Variants in DENND1A observed in about 807,000 individuals in gnomAD.
DENND1A encodes DENN domain containing 1A, also known as DENN domain-containing protein 1A.
Under a neutral mutation model 113.7 loss-of-function variants are expected in DENND1A, and 51 were observed. The ratio of observed to expected loss-of-function variants is 0.45; its 90% CI spans 0.36 to 0.57. The LOEUF (loss-of-function observed/expected upper bound fraction) is 0.57, where lower values mean the gene tolerates loss of function less well. Ranked by LOEUF, DENND1A falls within the 20% of genes least tolerant of loss-of-function variation. DENND1A has a pLI of 0.00. For missense variants in DENND1A, 1,258 were observed against 1,395.9 expected, an observed-to-expected ratio of 0.90 and a Z score of 1.57; for synonymous variants, 565 against 570.8, an observed-to-expected ratio of 0.99 and a Z score of 0.14.
At chr9:123,594,688 T>C (rs2059606532) in intron 11 of DENND1A, among the ~76,000 whole-genome samples, 2 of 152,042 alleles carry the variant, frequency 1.3e-5, no homozygotes. Context: ...ATGCTAGAGA[T>C]TAAATAATTT....
intron 2 of DENND1A, among the ~76,000 whole-genome samples, chr9:123,855,769 G>A (rs780134939): frequency 3.3e-5 from 5 of 152,140 alleles, no homozygotes; most frequent in African/African-American, 7.2e-5. Context: ...CAGGTGCGGC[G>A]GCTCACACCT....
intron 2 of DENND1A, among the ~76,000 whole-genome samples, chr9:123,847,889 G>T (rs1195665061): frequency 6.6e-6 from 1 of 152,084 alleles, no homozygotes; most frequent in Non-Finnish European, 1.5e-5. Flanking sequence ...AGCCGAGATA[G>T]CCCCACTGTA....
intron 1 of DENND1A, among the ~76,000 whole-genome samples, chr9:123,918,579 T>C (rs1429795880): frequency 4.6e-5 from 7 of 151,878 alleles, no homozygotes; most frequent in African/African-American, 1.7e-4. Flanking sequence ...GATTGAAATA[T>C]AGCCAATAAG....
intron 9 of DENND1A, among the ~76,000 whole-genome samples, chr9:123,640,237 T>C (rs1425258346): frequency 1.3e-5 from 2 of 152,200 alleles, no homozygotes; most frequent in African/African-American, 4.8e-5. Context: ...TCAAGTGTGT[T>C]AGCATATAAA....
intron 21 of DENND1A, among the ~76,000 whole-genome samples, chr9:123,398,257 G>A (rs1057472031): frequency 3.9e-5 from 6 of 152,346 alleles, no homozygotes; most frequent in South Asian, 2.1e-4. Flanking sequence ...GATGCACCCC[G>A]GGATCAGTGT....
chr9:123,849,843 T>G (rs77619732), intron 2 of DENND1A, among the ~76,000 whole-genome samples: 6 of 152,188 alleles, frequency 3.9e-5, no homozygotes, highest in African/African-American at 1.4e-4. Flanking sequence ...CTGGATGACA[T>G]TGAGGTATTT....
At position 123,676,772 on chromosome 9, in the gene DENND1A, T is replaced by A; in HGVS notation, c.320A>T (p.Glu107Val). Residue 107 changes from glutamate (E) to valine (V), a missense_variant, in exon 6 of 24, where the codon GAG becomes GTG. Physicochemically the swap from Glu to Val is moderately radical, Grantham distance 121. Coordinates refer to ENST00000394215, the MANE Select transcript of DENND1A (RefSeq NM_001352964.2). Reference sequence around the variant, plus strand: ...GATGTTAAGCAGCTTATAAAATACCTCGAACCAGGGGAGATAGCTGGAGGA... The same window carrying A: ...GATGTTAAGCAGCTTATAAAATACCACGAACCAGGGGAGATAGCTGGAGGA... Reference protein sequence around the residue: ...FCILSYLPWFEVFYKLLNILA... With the variant: ...FCILSYLPWFVVFYKLLNILA... The A allele has an allele frequency of 1.9e-6, 3 of 1,614,062 alleles. No homozygotes were observed. The highest frequency in any genetic ancestry group is 2.5e-6 in the Non-Finnish European group (3 of 1,179,972).
intron 11 of DENND1A, among the ~76,000 whole-genome samples, chr9:123,599,420 A>T (rs1176497640): frequency 1.3e-5 from 2 of 152,254 alleles, no homozygotes; most frequent in Non-Finnish European, 2.9e-5. Flanking sequence ...CTCTTTGTAC[A>T]AAACGACTGT....
At chr9:123,607,478 CAG>C (rs763140217) in intron 11 of DENND1A, among the ~76,000 whole-genome samples, 24 of 112,520 alleles carry the variant, frequency 2.1e-4, no homozygotes, top group African/African-American at 6.9e-4. Flanking sequence ...GAGAGAGACA[CAG>C]AGAGAGAGAC....
Position 123,381,549 on chromosome 9 carries a change from T to G in DENND1A, c.3096A>C (p.Arg1032Ser), listed in dbSNP as rs769654098. The change falls in exon 24 of 24, where the codon AGA becomes AGC. Residue 1032 changes from arginine (R) to serine (S), a missense_variant. By Grantham distance (110) the Arg-to-Ser change is moderately radical. Coordinates refer to ENST00000394215, the MANE Select transcript of DENND1A (RefSeq NM_001352964.2). The surrounding 1 kb of genome is among the most constrained non-coding windows in gnomAD (Gnocchi z 4.7). ...TLQPSAPQQA[R>S]DPFEDLLQKT... ...TCTGTAACAAATCCTCAAAGGGGTC[T>G]CTGGCCTGTTGAGGAGCAGAGGGCT... is the stretch of plus-strand genomic sequence containing the variant. 1.2e-6 allele frequency: 2 copies of G among 1,613,552 alleles called. No homozygotes were observed. The highest frequency in any genetic ancestry group is 2.7e-5 in the African/African-American group (2 of 74,876).
At chr9:123,739,099 T>C (rs548313620) in intron 5 of DENND1A, among the ~76,000 whole-genome samples, 2 of 152,152 alleles carry the variant, frequency 1.3e-5, no homozygotes, top group Non-Finnish European at 2.9e-5. Flanking sequence ...GACATAATCA[T>C]TGTTCTCCAT....
chr9:123,548,482 C>T (rs985098083), intron 13 of DENND1A, among the ~76,000 whole-genome samples: 8 of 152,190 alleles, frequency 5.3e-5, no homozygotes, highest in African/African-American at 1.2e-4. Flanking sequence ...AACAAAAGCA[C>T]GGACTCTGTG....
At chr9:123,776,730 G>GA (rs1830529049) in intron 3 of DENND1A, among the ~76,000 whole-genome samples, 1 of 152,090 alleles carries the variant, frequency 6.6e-6, no homozygotes, top group Non-Finnish European at 1.5e-5. Context: ...ACTGGCATAA[G>GA]AAAAAAGTGA....
intron 13 of DENND1A, among the ~76,000 whole-genome samples, chr9:123,551,800 C>T (rs539367544): frequency 2.6e-5 from 4 of 152,238 alleles, no homozygotes; most frequent in African/African-American, 4.8e-5. Flanking sequence ...CGCCCTGAGC[C>T]GGGCACCCAG....
rs540331559 is a variant in DENND1A, at chr9:123,528,806, G to A, written c.993+28764C>T. ...TTCCAAACTAGCCCCTCTTAGTGTC[G>A]TCTTTCAAAGACACACTTCATAGTC... On this transcript the variant is annotated intron_variant, in intron 13 of 23. Coordinates refer to ENST00000394215, the MANE Select transcript of DENND1A (RefSeq NM_001352964.2). Among the ~76,000 whole-genome samples the A allele has an allele frequency of 4.0e-4, 61 of 152,254 alleles. 1 individual carries two copies. In the South Asian group the frequency reaches 0.012, roughly 30 times the overall value.
At chr9:123,738,441 T>TTGTGTGTGTGTGTGTGTGTGTG (rs760641686) in intron 5 of DENND1A, among the ~76,000 whole-genome samples, 1 of 123,376 alleles carries the variant, frequency 8.1e-6, no homozygotes, top group African/African-American at 3.6e-5. Context: ...TGTCAACAGC[T>TTGTGTGTGTGTGTGTGTGTGTG]TCTGTGTGTG....
At chr9:123,562,029 C>T (rs2057788397) in intron 12 of DENND1A, among the ~76,000 whole-genome samples, 1 of 152,142 alleles carries the variant, frequency 6.6e-6, no homozygotes, top group African/African-American at 2.4e-5. Context: ...CCTTCTTCTG[C>T]CTTCAGTTTC....
At chr9:123,772,666 T>C (rs1829917178) in intron 3 of DENND1A, among the ~76,000 whole-genome samples, 1 of 152,184 alleles carries the variant, frequency 6.6e-6, no homozygotes, top group South Asian at 2.1e-4. Flanking sequence ...CCCAAGTTTA[T>C]ATTTTCACAA....
intron 2 of DENND1A, among the ~76,000 whole-genome samples, chr9:123,869,569 A>T (rs1029337935): frequency 6.6e-6 from 1 of 152,188 alleles, no homozygotes; most frequent in Admixed American, 6.5e-5. Context: ...AGTTAGATGA[A>T]TTTCCACATC....
Sources: allele counts gnomAD v4.1 joint callset (sites outside exome capture counted in the v4.1 genomes callset), GRCh38; gene constraint gnomAD v4.1.1; non-coding constraint Gnocchi (gnomAD v3.1); transcripts MANE v1.5; gene names NCBI Gene and HGNC (gene_info 2026-07-23, HGNC 2026-07-21).